The following TRIP4 variants were observed in gnomAD, a reference collection of about 807,000 sequenced individuals.
The protein encoded by TRIP4 is thyroid hormone receptor interactor 4, also known as activating signal cointegrator 1.
A neutral mutation model predicts 81.8 loss-of-function variants in TRIP4; 54 were observed. The ratio of observed to expected loss-of-function variants is 0.66; its 90% CI spans 0.53 to 0.83. The LOEUF (loss-of-function observed/expected upper bound fraction) is 0.83. Among genes scored for constraint, TRIP4 ranks in the 40% least tolerant of loss-of-function variants. TRIP4 has a pLI of 0.00. For synonymous variants in TRIP4, 270 were observed against 242.8 expected (o/e 1.11, Z -1.04); for missense variants, 662 against 683.6 (o/e 0.97, Z 0.35).
chr15:64,439,147 C>T (rs551218773), intron 11 of TRIP4, among the ~76,000 whole-genome samples: 3 of 152,294 alleles, frequency 2.0e-5, no homozygotes, highest in Non-Finnish European at 2.9e-5. Flanking sequence ...AGTAAGAAAA[C>T]GTTTATCTTC....
chr15:64,453,874 TCTTAA>T (rs948623248), intron 12 of TRIP4, among the ~76,000 whole-genome samples: 7 of 152,340 alleles, frequency 4.6e-5, no homozygotes, highest in Admixed American at 1.3e-4. Flanking sequence ...GTACATGTAT[TCTTAA>T]CTTAATTGGA....
intron 11 of TRIP4, among the ~76,000 whole-genome samples, chr15:64,428,685 T>C (rs1446855853): frequency 1.3e-5 from 2 of 152,198 alleles, no homozygotes; most frequent in Non-Finnish European, 2.9e-5. Flanking sequence ...CTTGGCTCAC[T>C]GCAACCTCTG....
At chr15:64,440,840 T>TTGACTA (rs1892500121) in intron 11 of TRIP4, among the ~76,000 whole-genome samples, 1 of 152,182 alleles carries the variant, frequency 6.6e-6, no homozygotes, top group South Asian at 2.1e-4. Flanking sequence ...TAGAGCCATA[T>TTGACTA]TGACTACTTG....
chr15:64,420,848 T>C (rs1487097188), intron 9 of TRIP4, among the ~76,000 whole-genome samples: 1 of 152,156 alleles, frequency 6.6e-6, no homozygotes, highest in Non-Finnish European at 1.5e-5. Context: ...TATTTTTTTC[T>C]ATTAGAATTT....
intron 7 of TRIP4, among the ~76,000 whole-genome samples, chr15:64,412,808 T>C (rs143306826): frequency 1.7e-3 from 255 of 152,254 alleles, no homozygotes; most frequent in African/African-American, 5.9e-3. Flanking sequence ...TAGAATGAAT[T>C]AAGATAGGGT....
chr15:64,399,769 G>A (rs1891446140), intron 4 of TRIP4, among the ~76,000 whole-genome samples: 1 of 152,022 alleles, frequency 6.6e-6, no homozygotes, highest in African/African-American at 2.4e-5. Flanking sequence ...CCAAAGTGCT[G>A]GGATTACAGG....
chr15:64,442,212 AT>A (rs995206227), intron 11 of TRIP4, among the ~76,000 whole-genome samples: 2 of 144,968 alleles, frequency 1.4e-5, no homozygotes, highest in African/African-American at 5.0e-5. Flanking sequence ...AAAAAAAAAA[AT>A]TAGTTCTGGC....
At position 64,418,728 on chromosome 15, in the gene TRIP4, G is replaced by C; in HGVS notation, c.1358G>C (p.Arg453Thr). Residue 453 changes from arginine (R) to threonine (T), a missense_variant and splice_region_variant, in exon 9 of 13, where the codon AGG becomes ACG. By Grantham distance (71) the Arg-to-Thr change is moderately conservative. Coordinates refer to ENST00000261884, the MANE Select transcript of TRIP4 (RefSeq NM_016213.5). Reference protein sequence around the residue: ...WASLLVRGIKRVEGRSWYTPH... With the variant: ...WASLLVRGIKTVEGRSWYTPH... ...TCTCTGCTTGTCAGAGGGATTAAAAGGTAAGAATAAAAATGAATCTGGGCA... is the reference window on the plus strand; with the variant it reads ...TCTCTGCTTGTCAGAGGGATTAAAACGTAAGAATAAAAATGAATCTGGGCA... 6.2e-7 allele frequency: 1 copy of C among 1,602,502 alleles called. No individual in the cohort carries two copies. The highest frequency in any genetic ancestry group is 1.1e-5 in the South Asian group (1 of 89,600).
Position 64,409,482 on chromosome 15 carries a change from A to G in TRIP4, c.828-131A>G, listed in dbSNP as rs1891710793. ...TAGGAGCTGAGCCTACACTGGAGAT[A>G]AAACATATGCAGAGCTTGACCTGAT... On this transcript the variant is annotated intron_variant, in intron 6 of 12. Coordinates refer to ENST00000261884, the MANE Select transcript of TRIP4 (RefSeq NM_016213.5). 5.1e-6 allele frequency: 4 copies of G among 780,468 alleles called. No individual in the cohort carries two copies. The East Asian group carries it at 1.1e-4, about 21-fold the overall frequency. The allele number at this position is 780,468 out of a possible 1,614,324, so 48.3% of individuals were successfully genotyped here.
At chr15:64,407,648 CAG>C (rs1283199100) in intron 6 of TRIP4, among the ~76,000 whole-genome samples, 2 of 151,410 alleles carry the variant, frequency 1.3e-5, no homozygotes, top group Admixed American at 6.6e-5. Context: ...GCCTGGGCAA[CAG>C]AGTGAGACTC....
chr15:64,407,267 T>C (rs1310781854), intron 6 of TRIP4, among the ~76,000 whole-genome samples: 1 of 152,176 alleles, frequency 6.6e-6, no homozygotes, highest in Non-Finnish European at 1.5e-5. Flanking sequence ...AGATAAGATT[T>C]AGAAAACTAT....
At chr15:64,431,977 C>T (rs1304385499) in intron 11 of TRIP4, among the ~76,000 whole-genome samples, 1 of 147,314 alleles carries the variant, frequency 6.8e-6, no homozygotes, top group African/African-American at 2.5e-5. Flanking sequence ...ACCTCTGCCT[C>T]CTAGGTTCGA....
intron 11 of TRIP4, among the ~76,000 whole-genome samples, chr15:64,434,448 T>C (rs1189091441): frequency 2.6e-5 from 4 of 151,676 alleles, no homozygotes; most frequent in Non-Finnish European, 5.9e-5. Flanking sequence ...AGATGATAGA[T>C]AGTTTTGAAT....
chr15:64,434,689 A>G (rs1596357143), intron 11 of TRIP4, among the ~76,000 whole-genome samples: 2 of 152,330 alleles, frequency 1.3e-5, no homozygotes, highest in South Asian at 4.1e-4. Flanking sequence ...GATAATGCCA[A>G]TGAAATGAGG....
chr15:64,434,205 G>T (rs1207409805), intron 11 of TRIP4, among the ~76,000 whole-genome samples: 1 of 152,038 alleles, frequency 6.6e-6, no homozygotes, highest in Non-Finnish European at 1.5e-5. Context: ...TTCGAGACCA[G>T]CCAGACCAAC....
At chr15:64,441,628 C>T (rs1251682421) in intron 11 of TRIP4, among the ~76,000 whole-genome samples, 2 of 151,972 alleles carry the variant, frequency 1.3e-5, no homozygotes, top group Non-Finnish European at 2.9e-5. Flanking sequence ...AAAAAATTAG[C>T]CGGGCATAGT....
At chr15:64,406,214 G>A (rs2140289558) in intron 5 of TRIP4, 116 bp from the exon 6 acceptor site, 1 of 1,280,172 alleles carries the variant, frequency 7.8e-7, no homozygotes, top group Non-Finnish European at 1.1e-6. Context: ...TGAAATGAAG[G>A]CTCCAGGCCA....
chr15:64,401,278 G>C (rs1891501350), intron 5 of TRIP4, among the ~76,000 whole-genome samples: 1 of 152,094 alleles, frequency 6.6e-6, no homozygotes, highest in African/African-American at 2.4e-5. Context: ...GGGACTACAG[G>C]CACATGCCAC....
At chr15:64,416,441 A>G (rs1425235072) in intron 8 of TRIP4, among the ~76,000 whole-genome samples, 1 of 152,182 alleles carries the variant, frequency 6.6e-6, no homozygotes, top group Non-Finnish European at 1.5e-5. Flanking sequence ...ATTTATTTCC[A>G]GCCAGGTGTG....
Sources: allele counts gnomAD v4.1 joint callset (sites outside exome capture counted in the v4.1 genomes callset), GRCh38; gene constraint gnomAD v4.1.1; transcripts MANE v1.5; gene names NCBI Gene and HGNC (gene_info 2026-07-23, HGNC 2026-07-21).